SYNDIG1: variants seen among roughly 807,000 people sequenced by gnomAD.
SYNDIG1 encodes the protein synapse differentiation-inducing gene protein 1.
In SYNDIG1, 9 loss-of-function variants were observed where a neutral mutation model predicts 19.4. That is an observed-to-expected ratio of 0.46 (90% CI 0.28 to 0.81). SYNDIG1 has a LOEUF of 0.81. Ranked by LOEUF, SYNDIG1 falls within the 30% of genes least tolerant of loss-of-function variation. SYNDIG1 has a pLI of 0.12. For synonymous variants in SYNDIG1, 141 were observed against 145.9 expected (o/e 0.97, Z 0.24); for missense variants, 311 against 343.3 (o/e 0.91, Z 0.74).
intron 3 of SYNDIG1, among the ~76,000 whole-genome samples, chr20:24,657,738 C>T (rs971440689): frequency 3.9e-5 from 6 of 152,170 alleles, no homozygotes; most frequent in African/African-American, 1.4e-4. Flanking sequence ...CTCTTACTAT[C>T]ATTAAGAATA....
rs542832374 is a variant in SYNDIG1, at chr20:24,546,895, GA to G, written c.480+3327del. On this transcript the variant is annotated intron_variant, in intron 2 of 3. Transcript: ENST00000376862. ...AAGGCAGTTCTACTCAGCCAAAAAA[GA>G]AAAAAAAATGTGATTTTTAACTTCT... 9.5e-3 allele frequency among the ~76,000 whole-genome samples: 1,436 copies of G among 150,678 alleles called. 19 individuals are homozygous for G. Among genetic ancestry groups the G allele is most frequent in the African/African-American group, 0.033 (1,368 of 41,144 alleles).
At chr20:24,509,892 G>A (rs2056697172) in intron 1 of SYNDIG1, among the ~76,000 whole-genome samples, 1 of 152,158 alleles carries the variant, frequency 6.6e-6, no homozygotes, top group African/African-American at 2.4e-5. Flanking sequence ...TGGATTATGG[G>A]GGTGGTTTCT....
chr20:24,494,126 G>A (rs909786794), intron 1 of SYNDIG1, among the ~76,000 whole-genome samples: 7 of 152,078 alleles, frequency 4.6e-5, no homozygotes, highest in Non-Finnish European at 1.0e-4. Context: ...CACCAGCAAA[G>A]TACAGGGGCA....
chr20:24,485,812 G>A (rs1747426907), intron 1 of SYNDIG1, among the ~76,000 whole-genome samples: 1 of 152,156 alleles, frequency 6.6e-6, no homozygotes, highest in Non-Finnish European at 1.5e-5. Context: ...GGTTGGAGCT[G>A]GATCTCTATA....
At chr20:24,478,708 C>G (rs1436679810) in intron 1 of SYNDIG1, among the ~76,000 whole-genome samples, 2 of 152,148 alleles carry the variant, frequency 1.3e-5, no homozygotes, top group African/African-American at 4.8e-5. Flanking sequence ...TCAGTGGTTT[C>G]CTGGGAGGAG....
At chr20:24,625,986 C>A (rs1288710942) in intron 3 of SYNDIG1, among the ~76,000 whole-genome samples, 1 of 150,058 alleles carries the variant, frequency 6.7e-6, no homozygotes, top group Non-Finnish European at 1.5e-5. Context: ...GCTGGCCAGG[C>A]GGGGGGCTGG....
intron 1 of SYNDIG1, among the ~76,000 whole-genome samples, chr20:24,534,393 C>T (rs116515277): frequency 0.024 from 3,662 of 152,252 alleles, 135 homozygotes; most frequent in African/African-American, 0.081. Flanking sequence ...GCACAAGCTC[C>T]GGGGCTCCTG....
chr20:24,560,680 GTT>G (rs932092117), intron 2 of SYNDIG1, among the ~76,000 whole-genome samples: 4 of 136,788 alleles, frequency 2.9e-5, no homozygotes, highest in Non-Finnish European at 6.2e-5. Flanking sequence ...CCCCGAGACA[GTT>G]TCTGTTGACT....
intron 3 of SYNDIG1, among the ~76,000 whole-genome samples, chr20:24,631,359 C>T (rs1047613187): frequency 1.3e-5 from 2 of 152,172 alleles, no homozygotes; most frequent in African/African-American, 4.8e-5. Flanking sequence ...CAGGTGGAGG[C>T]AGCAAAGGCC....
intron 3 of SYNDIG1, among the ~76,000 whole-genome samples, chr20:24,630,742 G>A (rs1753326435): frequency 6.6e-6 from 1 of 152,212 alleles, no homozygotes; most frequent in African/African-American, 2.4e-5. Flanking sequence ...CTGTCGCCTG[G>A]CTGCCCTTGG....
chr20:24,493,483 A>T (rs1480991427), intron 1 of SYNDIG1, among the ~76,000 whole-genome samples: 1 of 152,254 alleles, frequency 6.6e-6, no homozygotes, highest in Non-Finnish European at 1.5e-5. Context: ...GCACACACAC[A>T]TCCACATGCA....
chr20:24,642,998 G>A (rs547183512), intron 3 of SYNDIG1, among the ~76,000 whole-genome samples: 76 of 152,212 alleles, frequency 5.0e-4, no homozygotes, highest in African/African-American at 1.7e-3. Flanking sequence ...ACTTTTGCAC[G>A]AATGTAATTA....
chr20:24,567,830 T>A (rs1220544952), intron 2 of SYNDIG1, among the ~76,000 whole-genome samples: 1 of 152,220 alleles, frequency 6.6e-6, no homozygotes, highest in Non-Finnish European at 1.5e-5. Flanking sequence ...CTCCACTGTG[T>A]CTGCAGTTGC....
chr20:24,537,679 G>A lies in SYNDIG1; in HGVS notation c.-78-5341G>A, dbSNP rs545381851. Among the ~76,000 whole-genome samples the A allele has an allele frequency of 2.0e-5, 3 of 152,202 alleles. No individual in the cohort carries two copies. The South Asian group carries it at 6.2e-4, about 32-fold the overall frequency. On this transcript the variant is annotated intron_variant, in intron 1 of 3. Transcript: ENST00000376862. Reference sequence around the variant, plus strand: ...AGATGGCACTGCTGGTGGGTTCATCGGGGATCCCTGCTGTCCCACATCCCA... The same window carrying A: ...AGATGGCACTGCTGGTGGGTTCATCAGGGATCCCTGCTGTCCCACATCCCA...
chr20:24,561,430 T>G (rs1218548338), intron 2 of SYNDIG1, among the ~76,000 whole-genome samples: 1 of 152,186 alleles, frequency 6.6e-6, no homozygotes, highest in East Asian at 1.9e-4. Flanking sequence ...TAGCTGGGCG[T>G]GGTTTTCCAA....
chr20:24,527,384 T>TCACTTGC (rs2057145831), intron 1 of SYNDIG1, among the ~76,000 whole-genome samples: 1 of 152,214 alleles, frequency 6.6e-6, no homozygotes, highest in Non-Finnish European at 1.5e-5. Flanking sequence ...TAGTCACTTG[T>TCACTTGC]CACTTGCTCC....
At chr20:24,530,504 G>T (rs1477577792) in intron 1 of SYNDIG1, among the ~76,000 whole-genome samples, 1 of 152,164 alleles carries the variant, frequency 6.6e-6, no homozygotes, top group Non-Finnish European at 1.5e-5. Flanking sequence ...GTGTGCTAAA[G>T]GCAAATTTTA....
chr20:24,564,746 G>GCCCC (rs1362688945), intron 2 of SYNDIG1, among the ~76,000 whole-genome samples: 1 of 151,308 alleles, frequency 6.6e-6, no homozygotes, highest in Non-Finnish European at 1.5e-5. Context: ...TGAGAAGGAG[G>GCCCC]CCCCCACTGT....
intron 2 of SYNDIG1, among the ~76,000 whole-genome samples, chr20:24,549,476 G>A (rs767574759): frequency 1.3e-5 from 2 of 152,256 alleles, no homozygotes; most frequent in African/African-American, 2.4e-5. Flanking sequence ...CGTGGGGTGG[G>A]TGTGGTTCAC....
Sources: gnomAD v4.1 joint callset for allele counts (sites outside exome capture counted in the v4.1 genomes callset) on GRCh38, gnomAD v4.1.1 for gene constraint, MANE v1.5 for transcripts, NCBI Gene and HGNC (gene_info 2026-07-23, HGNC 2026-07-21) for gene names.